The following CNOT6L variants were observed in gnomAD, a reference collection of about 807,000 sequenced individuals.
CNOT6L encodes CCR4-NOT transcription complex subunit 6 like.
A neutral mutation model predicts 64.0 loss-of-function variants in CNOT6L; 7 were observed. That is an observed-to-expected ratio of 0.11 (90% CI 0.06 to 0.21). The LOEUF (loss-of-function observed/expected upper bound fraction) is 0.21. CNOT6L is among the 10% of genes least tolerant of loss of function. The pLI is 1.00. For synonymous variants in CNOT6L, 193 were observed against 243.4 expected, an observed-to-expected ratio of 0.79 and a Z score of 1.93; for missense variants, 245 against 669.0, an observed-to-expected ratio of 0.37 and a Z score of 6.99.
intron 1 of CNOT6L, among the ~76,000 whole-genome samples, chr4:77,780,198 G>A (rs915320409): frequency 3.5e-4 from 54 of 152,292 alleles, no homozygotes; most frequent in African/African-American, 1.3e-3. Context: ...ATACAGCTCA[G>A]TTCAAGACTT....
At chr4:77,804,653 G>A (rs1450540166) in intron 1 of CNOT6L, among the ~76,000 whole-genome samples, 1 of 152,114 alleles carries the variant, frequency 6.6e-6, no homozygotes, top group African/African-American at 2.4e-5. Context: ...TTTTGTGGGT[G>A]ATGGAAATGT....
chr4:77,746,651 C>T (rs1454033827), intron 6 of CNOT6L, among the ~76,000 whole-genome samples: 1 of 152,092 alleles, frequency 6.6e-6, no homozygotes, highest in African/African-American at 2.4e-5. Context: ...ATTAGAAAAT[C>T]TTTTCTTCAA....
chr4:77,736,645 T>A (rs1462027591), intron 8 of CNOT6L, among the ~76,000 whole-genome samples: 2 of 152,180 alleles, frequency 1.3e-5, no homozygotes, highest in African/African-American at 2.4e-5. Flanking sequence ...TAGTTTATAG[T>A]TACTTTCCAA....
At chr4:77,816,967 A>G (rs1733651188) in intron 1 of CNOT6L, among the ~76,000 whole-genome samples, 1 of 152,206 alleles carries the variant, frequency 6.6e-6, no homozygotes, top group Non-Finnish European at 1.5e-5. Context: ...AATTAAGTGG[A>G]CAGAGGATTT....
chr4:77,809,620 TA>T (rs950512037), intron 1 of CNOT6L, among the ~76,000 whole-genome samples: 1 of 152,142 alleles, frequency 6.6e-6, no homozygotes, highest in Admixed American at 6.5e-5. Context: ...TGATAAACAT[TA>T]TGATCAGAAA....
chr4:77,768,087 C>T (rs1196693055), intron 4 of CNOT6L, among the ~76,000 whole-genome samples: 3 of 151,822 alleles, frequency 2.0e-5, no homozygotes, highest in Admixed American at 6.6e-5. Context: ...ATTTCTGATC[C>T]GGGAAGGGCA....
At chr4:77,794,956 G>A (rs1231536114) in intron 1 of CNOT6L, among the ~76,000 whole-genome samples, 3 of 144,814 alleles carry the variant, frequency 2.1e-5, no homozygotes, top group Non-Finnish European at 3.1e-5. Flanking sequence ...TATGTCCCCT[G>A]CAAAAAAATC....
intron 8 of CNOT6L, among the ~76,000 whole-genome samples, chr4:77,740,739 G>A (rs970590591): frequency 6.6e-6 from 1 of 152,196 alleles, no homozygotes; most frequent in African/African-American, 2.4e-5. Flanking sequence ...ACTACATGCC[G>A]ATGGTAGTCC....
intron 8 of CNOT6L, among the ~76,000 whole-genome samples, chr4:77,734,647 A>G (rs955319584): frequency 1.2e-4 from 19 of 152,166 alleles, no homozygotes; most frequent in East Asian, 3.9e-4. Context: ...TCAGTTAAGT[A>G]TCACTTCATG....
chr4:77,727,900 G>A (rs1284335639), intron 10 of CNOT6L, among the ~76,000 whole-genome samples: 1 of 152,164 alleles, frequency 6.6e-6, no homozygotes, highest in Non-Finnish European at 1.5e-5. Context: ...CAAGTTCAGT[G>A]ACTTTTTTTT....
chr4:77,819,523 G>C (rs1191141043), upstream of CNOT6L: 5 of 835,896 alleles, frequency 6.0e-6, no homozygotes, highest in East Asian at 1.7e-4. Flanking sequence ...CCCGTAACCG[G>C]GGCTCGCGGG....
At chr4:77,785,360 T>C (rs1474675655) in intron 1 of CNOT6L, among the ~76,000 whole-genome samples, 1 of 152,164 alleles carries the variant, frequency 6.6e-6, no homozygotes, top group East Asian at 1.9e-4. Flanking sequence ...GGCCTTGAAT[T>C]AGGCAAAGAT....
chr4:77,731,269 T>G lies in CNOT6L; in HGVS notation c.1024+118A>C, dbSNP rs927422055. Reference sequence around the variant, plus strand: ...ATTTTCCTGCCCATCTCCCTTAACTTTCCTCAAAAGAAAATAACTTTGCAA... The same window carrying G: ...ATTTTCCTGCCCATCTCCCTTAACTGTCCTCAAAAGAAAATAACTTTGCAA... On this transcript the variant is annotated intron_variant, in intron 9 of 11. Coordinates refer to ENST00000504123, the MANE Select transcript of CNOT6L (RefSeq NM_144571.3). The G allele has an allele frequency of 1.4e-5, 12 of 888,814 alleles. No individual in the cohort carries two copies. The South Asian group carries it at 2.0e-4, about 15-fold the overall frequency. 55.1% of individuals were successfully genotyped at this position (888,814 alleles called of 1,614,324 possible).
intron 1 of CNOT6L, among the ~76,000 whole-genome samples, chr4:77,807,538 C>T (rs1452534433): frequency 2.6e-5 from 4 of 151,992 alleles, no homozygotes; most frequent in African/African-American, 9.7e-5. Flanking sequence ...GTAAGGTTTC[C>T]CAAAGTAGGA....
chr4:77,725,006 CA>C (rs1015293360), intron 11 of CNOT6L, among the ~76,000 whole-genome samples: 7 of 152,170 alleles, frequency 4.6e-5, no homozygotes, highest in African/African-American at 1.7e-4. Context: ...GCAAACACCA[CA>C]AATCAGAGCT....
intron 4 of CNOT6L, among the ~76,000 whole-genome samples, chr4:77,766,940 G>A (rs1221762692): frequency 1.3e-5 from 2 of 151,130 alleles, no homozygotes; most frequent in African/African-American, 2.4e-5. Flanking sequence ...GCAGGAGCCT[G>A]TAATCCCAGC....
intron 8 of CNOT6L, chr4:77,731,818 TAAG>T (rs926095677): frequency 6.7e-5 from 18 of 268,572 alleles, no homozygotes; most frequent in Admixed American, 3.5e-4. Flanking sequence ...GACCATGAAA[TAAG>T]AAGCAGGAAG....
At chr4:77,786,927 T>C (rs2110096802) in intron 1 of CNOT6L, among the ~76,000 whole-genome samples, 1 of 152,292 alleles carries the variant, frequency 6.6e-6, no homozygotes, top group Admixed American at 6.5e-5. Flanking sequence ...GTCTTTCCTA[T>C]AAATCATTTT....
chr4:77,804,533 C>T (rs1215609329), intron 1 of CNOT6L, among the ~76,000 whole-genome samples: 2 of 151,566 alleles, frequency 1.3e-5, no homozygotes, highest in Admixed American at 1.3e-4. Context: ...TTATATGATT[C>T]TACTTATATT....
Sources: gnomAD v4.1 joint callset for allele counts (sites outside exome capture counted in the v4.1 genomes callset) on GRCh38, gnomAD v4.1.1 for gene constraint, MANE v1.5 for transcripts, NCBI Gene and HGNC (gene_info 2026-07-23, HGNC 2026-07-21) for gene names.